The following KDM2B variants were observed in gnomAD, a reference collection of about 807,000 sequenced individuals.
KDM2B encodes lysine-specific demethylase 2B.
KDM2B carries 26 observed loss-of-function variants against 150.0 expected under a neutral mutation model. That is an observed-to-expected ratio of 0.17 (90% CI 0.13 to 0.24). The LOEUF (loss-of-function observed/expected upper bound fraction) is 0.24. KDM2B is among the 10% of genes least tolerant of loss of function. KDM2B has a pLI of 1.00. For missense variants in KDM2B, 1,265 were observed against 1,816.9 expected (o/e 0.70, Z 5.52); for synonymous variants, 734 against 729.5 (o/e 1.01, Z -0.10).
chr12:121,502,210 C>T (rs1555302127), intron 11 of KDM2B, among the ~76,000 whole-genome samples: 3 of 152,220 alleles, frequency 2.0e-5, no homozygotes, highest in Admixed American at 1.3e-4. Context: ...TGTCACCTCA[C>T]GGAGTCCTCA....
At chr12:121,579,262 G>A (rs1225367440) in intron 1 of KDM2B, among the ~76,000 whole-genome samples, 1 of 152,222 alleles carries the variant, frequency 6.6e-6, no homozygotes, top group African/African-American at 2.4e-5. Flanking sequence ...TCGGCCGGGA[G>A]CCTGGTTATG....
At chr12:121,481,457 G>A (rs1056228014) in intron 12 of KDM2B, among the ~76,000 whole-genome samples, 16 of 150,550 alleles carry the variant, frequency 1.1e-4, no homozygotes, top group Non-Finnish European at 2.1e-4. Context: ...ACCTAAATTT[G>A]AGGGACAGAT....
At chr12:121,525,536 C>T (rs1555306671) in intron 8 of KDM2B, among the ~76,000 whole-genome samples, 7 of 152,164 alleles carry the variant, frequency 4.6e-5, no homozygotes, top group Non-Finnish European at 1.0e-4. Flanking sequence ...CAGGCGTGAG[C>T]CACCGTGCCA....
chr12:121,449,720 G>A (rs1876906034), intron 13 of KDM2B, among the ~76,000 whole-genome samples: 1 of 152,134 alleles, frequency 6.6e-6, no homozygotes, highest in Non-Finnish European at 1.5e-5. Context: ...AAATTCTATA[G>A]GATCCAATGG....
rs1035257279 is a variant in KDM2B at position 121,507,574 on chromosome 12, A to G, written c.1647+1993T>C. Among the ~76,000 whole-genome samples the G allele has an allele frequency of 3.3e-5, 5 of 152,190 alleles. No homozygotes were observed. The East Asian group carries it at 9.6e-4, about 29-fold the overall frequency. On this transcript the variant is annotated intron_variant, in intron 11 of 22. Transcript: ENST00000377071. The stretch of plus-strand genomic sequence containing the variant: ...CTCCTCTACATCATCAAAGGGTCTA[A>G]GGTAAGTCCAGCCTCAGGCCAATCA...
At chr12:121,503,744 T>C (rs1884810545) in intron 11 of KDM2B, among the ~76,000 whole-genome samples, 1 of 152,246 alleles carries the variant, frequency 6.6e-6, no homozygotes, top group Admixed American at 6.5e-5. Context: ...AGCTGCAACC[T>C]ATGTTCATGG....
At chr12:121,474,441 G>C (rs782342267) in intron 12 of KDM2B, among the ~76,000 whole-genome samples, 2 of 151,756 alleles carry the variant, frequency 1.3e-5, no homozygotes, top group African/African-American at 4.9e-5. Flanking sequence ...GCGTGAACCC[G>C]GGGGGCAGAG....
intron 11 of KDM2B, among the ~76,000 whole-genome samples, chr12:121,506,727 A>T (rs374067469): frequency 6.6e-6 from 1 of 152,048 alleles, no homozygotes; most frequent in East Asian, 1.9e-4. Flanking sequence ...CACCTGAGGT[A>T]GGGAGTTCAA....
intron 22 of KDM2B, among the ~76,000 whole-genome samples, chr12:121,431,827 C>T (rs1370743265): frequency 2.0e-5 from 3 of 151,486 alleles, no homozygotes; most frequent in African/African-American, 7.3e-5. Flanking sequence ...GATGGGAAAA[C>T]GAGAGATGCT....
At chr12:121,488,512 G>A (rs1883013494) in intron 12 of KDM2B, among the ~76,000 whole-genome samples, 1 of 152,194 alleles carries the variant, frequency 6.6e-6, no homozygotes. Flanking sequence ...AACACAGCTA[G>A]TCAGTGGTGA....
chr12:121,421,124 T>C, the KDM2B span, among the ~76,000 whole-genome samples: 1 of 152,074 alleles, frequency 6.6e-6, no homozygotes, highest in Non-Finnish European at 1.5e-5. Flanking sequence ...GTACCTTGGT[T>C]CTCTCAACTT....
At chr12:121,519,104 T>A (rs1886473936) in intron 9 of KDM2B, among the ~76,000 whole-genome samples, 1 of 152,148 alleles carries the variant, frequency 6.6e-6, no homozygotes, top group African/African-American at 2.4e-5. Context: ...AGGCGTCACG[T>A]GTCAATCTGC....
At chr12:121,436,103 T>C (rs1342609358) in intron 22 of KDM2B, among the ~76,000 whole-genome samples, 1 of 152,222 alleles carries the variant, frequency 6.6e-6, no homozygotes, top group African/African-American at 2.4e-5. Flanking sequence ...GTTCAGAGAA[T>C]ACAGCTTGAA....
At position 121,532,845 on chromosome 12, in the gene KDM2B, T is replaced by C. The variant is rs781953675; in HGVS notation, c.892A>G (p.Ile298Val). 1 of 1,614,224 alleles carries C rather than the reference T, an allele frequency of 6.2e-7. No homozygotes were observed. The highest frequency in any genetic ancestry group is 8.5e-7 in the Non-Finnish European group (1 of 1,180,042). ...LGDRVERCQR[I>V]ELKQGYTFFI... Reference sequence around the variant, plus strand: ...AATGTGTAGCCCTGCTTCAGCTCAATTCTTTGGCATCGTTCCACACGGTCT... The same window carrying C: ...AATGTGTAGCCCTGCTTCAGCTCAACTCTTTGGCATCGTTCCACACGGTCT... The change falls in exon 8 of 23, where the codon ATT (isoleucine) becomes GTT (valine). Residue 298 changes from isoleucine to valine, a missense_variant. Transcript: ENST00000377071.
At chr12:121,503,803 G>A (rs1422961469) in intron 11 of KDM2B, among the ~76,000 whole-genome samples, 2 of 152,220 alleles carry the variant, frequency 1.3e-5, no homozygotes, top group Non-Finnish European at 2.9e-5. Context: ...CTGCTGTTAT[G>A]CCCATATCAT....
intron 4 of KDM2B, among the ~76,000 whole-genome samples, chr12:121,570,797 T>A (rs782309145): frequency 1.9e-4 from 29 of 152,096 alleles, no homozygotes; most frequent in Non-Finnish European, 3.7e-4. Context: ...TACCACATGA[T>A]CCAGCAATTC....
intron 12 of KDM2B, among the ~76,000 whole-genome samples, chr12:121,466,332 C>A (rs551927024): frequency 1.3e-5 from 2 of 152,224 alleles, no homozygotes; most frequent in Admixed American, 6.5e-5. Context: ...GATTATACTT[C>A]GTAAAACCTC....
chr12:121,492,772 T>G (rs1344767042), intron 12 of KDM2B, among the ~76,000 whole-genome samples: 4 of 149,478 alleles, frequency 2.7e-5, no homozygotes, highest in East Asian at 2.0e-4. Context: ...GAGGATGCAG[T>G]GAGCCGAGAT....
At chr12:121,565,711 G>A (rs148052418) in intron 4 of KDM2B, among the ~76,000 whole-genome samples, 3,184 of 151,716 alleles carry the variant, frequency 0.021, 118 homozygotes, top group African/African-American at 0.073. Flanking sequence ...TGCAACCTCC[G>A]CCCCACCGGG....
Sources: gnomAD v4.1 joint callset for allele counts (sites outside exome capture counted in the v4.1 genomes callset) on GRCh38, gnomAD v4.1.1 for gene constraint, MANE v1.5 for transcripts, NCBI Gene and HGNC (gene_info 2026-07-23, HGNC 2026-07-21) for gene names.